The following ERCC1 variants were observed in gnomAD, a reference collection of about 807,000 sequenced individuals.
ERCC1 encodes ERCC excision repair 1, endonuclease non-catalytic subunit, also known as DNA excision repair protein ERCC-1.
A neutral mutation model predicts 37.6 loss-of-function variants in ERCC1; 36 were observed. That is an observed-to-expected ratio of 0.96 (90% CI 0.73 to 1.26). The LOEUF (loss-of-function observed/expected upper bound fraction) is 1.26, where lower values mean the gene tolerates loss of function less well. Among genes scored for constraint, ERCC1 ranks in the 50% most tolerant of loss-of-function variants. ERCC1 has a pLI of 0.00. For synonymous variants in ERCC1, 156 were observed against 162.1 expected (o/e 0.96, Z 0.28); for missense variants, 349 against 376.5 (o/e 0.93, Z 0.60).
At chr19:45,411,145 G>A (rs1259068281) in intron 9 of ERCC1, among the ~76,000 whole-genome samples, 5 of 152,112 alleles carry the variant, frequency 3.3e-5, no homozygotes, top group Non-Finnish European at 7.4e-5. Context: ...CTTTTTTATG[G>A]CTGAAGAGTA....
chr19:45,447,686 C>T (rs1050314360), intron 1 of ERCC1, among the ~76,000 whole-genome samples: 4 of 152,098 alleles, frequency 2.6e-5, no homozygotes, highest in Admixed American at 6.6e-5. Context: ...ACTCAGGATC[C>T]TCTAACTGCC....
chr19:45,441,861 T>C (rs1975128307), intron 1 of ERCC1, among the ~76,000 whole-genome samples: 1 of 151,366 alleles, frequency 6.6e-6, no homozygotes, highest in Admixed American at 6.6e-5. Context: ...TTTTTGTATT[T>C]TTAGTAGAGA....
At chr19:45,419,300 G>A (rs1974257259) in intron 4 of ERCC1, 103 bp from the exon 5 acceptor site, 1 of 808,702 alleles carries the variant, frequency 1.2e-6, no homozygotes, top group Non-Finnish European at 2.1e-6. Context: ...AGTACGGCAT[G>A]GGGGACAGAG....
intron 1 of ERCC1, among the ~76,000 whole-genome samples, chr19:45,431,120 T>C (rs1974820686): frequency 6.6e-6 from 1 of 151,988 alleles, no homozygotes; most frequent in South Asian, 2.1e-4. Context: ...GCCCGGCTAA[T>C]TTTTTTGTAT....
intron 4 of ERCC1, among the ~76,000 whole-genome samples, chr19:45,419,867 A>G (rs527603220): frequency 1.8e-4 from 26 of 145,986 alleles, no homozygotes; most frequent in African/African-American, 6.1e-4. Flanking sequence ...AGACCCAGGA[A>G]TCTGGCCCCA....
intron 1 of ERCC1, chr19:45,429,141 A>T (rs1974774676): frequency 6.6e-6 from 1 of 152,304 alleles, no homozygotes; most frequent in East Asian, 1.9e-4. Context: ...GTTGGATCAG[A>T]AGTGGGACTT....
In ERCC1 at chr19:45,421,335, G is replaced by C. The variant is rs764307683; in HGVS notation, c.164C>G (p.Ala55Gly). ...ATATTCGGCGTAGGTCTGAGGGGCC[G>C]CCTGGGCCGAGGTGTCCACAGTGGG... ...SLPTVDTSAQ[A>G]APQTYAEYAI... is the part of the protein sequence containing the mutation. The change falls in exon 3 of 10, where the codon GCG becomes GGG. Residue 55 changes from alanine to glycine, a missense_variant. Coordinates refer to ENST00000300853, the MANE Select transcript of ERCC1 (RefSeq NM_001983.4). 1 of 1,614,050 alleles carries C rather than the reference G, an allele frequency of 6.2e-7. No individual in the cohort carries two copies. The highest frequency in any genetic ancestry group is 1.1e-5 in the South Asian group (1 of 91,082).
intron 1 of ERCC1, among the ~76,000 whole-genome samples, chr19:45,451,519 C>T (rs1215804367): frequency 1.3e-5 from 2 of 152,168 alleles, no homozygotes; most frequent in Admixed American, 6.5e-5. Flanking sequence ...AGCCCGTGGT[C>T]CTTCCATCCT....
rs370600468 is a variant in ERCC1, at chr19:45,413,951, G to A, written c.774+12C>T. ...ACAGAAATGCCTATGGGGCAGGGGA[G>A]CCATTCCTTACTCCAAATGTGGTCA... On this transcript the variant is annotated intron_variant, in intron 8 of 9. Coordinates refer to ENST00000300853, the MANE Select transcript of ERCC1 (RefSeq NM_001983.4). 2.5e-6 allele frequency: 4 copies of A among 1,612,578 alleles called. No individual in the cohort carries two copies. The African/African-American group carries it at 4.0e-5, about 16-fold the overall frequency.
chr19:45,428,289 T>TG (rs139177503), upstream of ERCC1, among the ~76,000 whole-genome samples: 62 of 61,558 alleles, frequency 1.0e-3, 2 homozygotes, highest in African/African-American at 2.0e-3. Context: ...GGTGGGGGGG[T>TG]GGGGTCTCAC....
intron 1 of ERCC1, among the ~76,000 whole-genome samples, chr19:45,436,281 T>C (rs144278677): frequency 0.011 from 1,616 of 152,244 alleles, 14 homozygotes; most frequent in Middle Eastern, 0.02. Flanking sequence ...CAGATTGCAT[T>C]AGTTTCTTAA....
intron 1 of ERCC1, among the ~76,000 whole-genome samples, chr19:45,447,283 T>C: frequency 6.6e-6 from 1 of 150,436 alleles, no homozygotes; most frequent in Non-Finnish European, 1.5e-5. Context: ...TTTTTTTTTT[T>C]TTTTTTTTTG....
intron 1 of ERCC1, among the ~76,000 whole-genome samples, chr19:45,430,337 G>A (rs1484711128): frequency 2.0e-5 from 3 of 152,186 alleles, no homozygotes; most frequent in African/African-American, 4.8e-5. Context: ...TGTGGGCCTC[G>A]CTGCAGCCCT....
chr19:45,433,323 C>T (rs1240755429), intron 1 of ERCC1, among the ~76,000 whole-genome samples: 3 of 151,668 alleles, frequency 2.0e-5, no homozygotes, highest in Non-Finnish European at 4.4e-5. Context: ...GTCAGGAGTT[C>T]AAGACCAGCC....
chr19:45,418,683 C>T lies in ERCC1; in HGVS notation c.525+415G>A, dbSNP rs947823762. Among the ~76,000 whole-genome samples the T allele has an allele frequency of 2.0e-5, 3 of 150,416 alleles. No homozygotes were observed. The Admixed American group carries it at 2.0e-4, about 10-fold the overall frequency. On this transcript the variant is annotated intron_variant, in intron 5 of 9. Coordinates refer to ENST00000300853, the MANE Select transcript of ERCC1 (RefSeq NM_001983.4). ...ACTAAAAATACAAAAATCAGCCGGG[C>T]GTGGTGGTGCATGCCTATAATCCCA...
chr19:45,429,416 C>T (rs1974781125), intron 1 of ERCC1, among the ~76,000 whole-genome samples: 1 of 151,894 alleles, frequency 6.6e-6, no homozygotes, highest in South Asian at 2.1e-4. Flanking sequence ...GCCAAGATCG[C>T]GCCACTGCAC....
chr19:45,426,310 C>T (rs1431644863), upstream of ERCC1, among the ~76,000 whole-genome samples: 20 of 140,086 alleles, frequency 1.4e-4, no homozygotes, highest in African/African-American at 4.9e-4. Flanking sequence ...ACCTGGGAGG[C>T]GGAGGCTGCA....
In ERCC1 at chr19:45,420,118, C is replaced by G. The variant is rs905141985; in HGVS notation, c.425+206G>C. ...GGCCCCCAGCCCCTCCTTCCTGAGACCCAGGAGTTCGGGCTCCAGCTCTTG... is the reference window on the plus strand; with the variant it reads ...GGCCCCCAGCCCCTCCTTCCTGAGAGCCAGGAGTTCGGGCTCCAGCTCTTG... On this transcript the variant is annotated intron_variant, in intron 4 of 9. Transcript: ENST00000300853. This position sits in a 1 kb window ranked among gnomAD's most constrained non-coding sequence, Gnocchi z 4.8. 4.6e-5 allele frequency among the ~76,000 whole-genome samples: 7 copies of G among 152,052 alleles called. No individual in the cohort carries two copies. The Middle Eastern group carries it at 0.01, about 222-fold the overall frequency.
In ERCC1 at chr19:45,407,547, C is replaced by G. The variant is rs1203500887; in HGVS notation, c.*2128G>C. 5.9e-6 allele frequency: 2 copies of G among 336,204 alleles called. No homozygotes were observed. The highest frequency in any genetic ancestry group is 1.1e-4 in the East Asian group (2 of 18,686). The allele number at this position is 336,204 out of a possible 1,614,324, so 20.8% of individuals were successfully genotyped here. On this transcript the variant is annotated 3_prime_UTR_variant, in exon 10 of 10. Transcript: ENST00000300853. Reference sequence around the variant, plus strand: ...CCATTAATCCTGCAACCTAAGCTTGCTCATTTATGTTATATTTAAGTAATG... The same window carrying G: ...CCATTAATCCTGCAACCTAAGCTTGGTCATTTATGTTATATTTAAGTAATG...
Sources: allele counts gnomAD v4.1 joint callset (sites outside exome capture counted in the v4.1 genomes callset), GRCh38; gene constraint gnomAD v4.1.1; non-coding constraint Gnocchi (gnomAD v3.1); transcripts MANE v1.5; gene names NCBI Gene and HGNC (gene_info 2026-07-23, HGNC 2026-07-21).